GRM1: variants seen among roughly 807,000 people sequenced by gnomAD.
GRM1 encodes the protein metabotropic glutamate receptor 1.
GRM1 carries 33 observed loss-of-function variants against 90.9 expected under a neutral mutation model. The ratio of observed to expected loss-of-function variants is 0.36; its 90% CI spans 0.28 to 0.49. The LOEUF (loss-of-function observed/expected upper bound fraction) is 0.49, where lower values mean the gene tolerates loss of function less well. Among genes scored for constraint, GRM1 ranks in the 20% least tolerant of loss-of-function variants. GRM1 has a pLI of 0.99. For missense variants in GRM1, 1,190 were observed against 1,534.3 expected, an observed-to-expected ratio of 0.78 and a Z score of 3.75; for synonymous variants, 700 against 613.2, an observed-to-expected ratio of 1.14 and a Z score of -2.09.
At chr6:146,216,633 G>A (rs763364703) in intron 2 of GRM1, among the ~76,000 whole-genome samples, 1 of 152,196 alleles carries the variant, frequency 6.6e-6, no homozygotes, top group African/African-American at 2.4e-5. Context: ...AGAAACTGGG[G>A]CTAATGCAAA....
At chr6:146,198,799 G>A (rs1179209013) in intron 2 of GRM1, among the ~76,000 whole-genome samples, 1 of 152,072 alleles carries the variant, frequency 6.6e-6, no homozygotes, top group African/African-American at 2.4e-5. Flanking sequence ...GAAGGACCAG[G>A]GAAACACTAA....
At chr6:146,366,937 G>A (rs1225625838) in intron 5 of GRM1, among the ~76,000 whole-genome samples, 1 of 151,976 alleles carries the variant, frequency 6.6e-6, no homozygotes, top group Non-Finnish European at 1.5e-5. Flanking sequence ...TGCTTTTGTT[G>A]CCTGTGCTTT....
At position 146,197,135 on chromosome 6, in the gene GRM1, C is replaced by T. The variant is rs79054400; in HGVS notation, c.950+37538C>T. 3.0e-3 allele frequency among the ~76,000 whole-genome samples: 449 copies of T among 152,184 alleles called. 2 individuals are homozygous for T. Among genetic ancestry groups the T allele is most frequent in the African/African-American group, 0.01 (433 of 41,486 alleles). Reference sequence around the variant, plus strand: ...TTGTGGAGGACATAGAACTCAGAAACGAGAACAGGTGGGAAATAGCAGGAA... The same window carrying T: ...TTGTGGAGGACATAGAACTCAGAAATGAGAACAGGTGGGAAATAGCAGGAA... On this transcript the variant is annotated intron_variant, in intron 2 of 7. Transcript: ENST00000282753.
intron 2 of GRM1, among the ~76,000 whole-genome samples, chr6:146,259,467 C>T (rs7758294): frequency 0.053 from 8,102 of 152,162 alleles, 708 homozygotes; most frequent in African/African-American, 0.18. Flanking sequence ...ACTCCTGTGC[C>T]CCGCTGGCAG....
intron 1 of GRM1, among the ~76,000 whole-genome samples, chr6:146,096,720 A>G (rs546814963): frequency 1.3e-5 from 2 of 152,176 alleles, no homozygotes; most frequent in East Asian, 3.9e-4. Flanking sequence ...TCTTAGGAAG[A>G]TGAGAGAATC....
At chr6:146,041,601 A>G (rs763152089) in intron 1 of GRM1, among the ~76,000 whole-genome samples, 25 of 151,956 alleles carry the variant, frequency 1.6e-4, no homozygotes, top group Non-Finnish European at 3.2e-4. Context: ...GTTTATGCCC[A>G]GAAGACTCAT....
At chr6:146,391,419 G>A (rs368630438) in intron 6 of GRM1, among the ~76,000 whole-genome samples, 1 of 152,022 alleles carries the variant, frequency 6.6e-6, no homozygotes, top group African/African-American at 2.4e-5. Context: ...CCAAGGTTCA[G>A]ATATGCAAAG....
At chr6:146,291,445 T>A (rs1782981518) in intron 2 of GRM1, among the ~76,000 whole-genome samples, 1 of 151,368 alleles carries the variant, frequency 6.6e-6, no homozygotes, top group South Asian at 2.1e-4. Context: ...TCTCTTTGCT[T>A]CTGTAGTGTG....
chr6:146,206,698 G>T (rs939799241), intron 2 of GRM1, among the ~76,000 whole-genome samples: 5 of 151,742 alleles, frequency 3.3e-5, no homozygotes, highest in Admixed American at 6.6e-5. Flanking sequence ...ATGTCATGGG[G>T]GTTTGTTGTA....
chr6:146,405,152 C>T (rs1367934728), intron 7 of GRM1, among the ~76,000 whole-genome samples: 3 of 152,054 alleles, frequency 2.0e-5, no homozygotes, highest in Admixed American at 6.6e-5. Context: ...ATTGAAAGTG[C>T]TATAAAGTCA....
intron 1 of GRM1, among the ~76,000 whole-genome samples, chr6:146,063,377 CA>C (rs1775738073): frequency 6.6e-6 from 1 of 152,168 alleles, no homozygotes; most frequent in South Asian, 2.1e-4. Context: ...TTAGATTCAG[CA>C]TTGAAGATTA....
At chr6:146,342,951 AT>A (rs1251117978) in intron 3 of GRM1, among the ~76,000 whole-genome samples, 3 of 150,872 alleles carry the variant, frequency 2.0e-5, no homozygotes, top group East Asian at 3.9e-4. Context: ...ACTAAACTCT[AT>A]TTTTTTTCAG....
chr6:146,146,818 C>T (rs1003047459), intron 1 of GRM1, among the ~76,000 whole-genome samples: 2 of 152,170 alleles, frequency 1.3e-5, no homozygotes, highest in African/African-American at 4.8e-5. Flanking sequence ...TTGGACTTCC[C>T]AGACTCCATA....
chr6:146,119,700 C>T (rs573070564), intron 1 of GRM1, among the ~76,000 whole-genome samples: 4 of 152,278 alleles, frequency 2.6e-5, no homozygotes, highest in Admixed American at 1.3e-4. Flanking sequence ...AATAGGGAAT[C>T]CTTTCTCTAT....
At chr6:146,358,158 T>C (rs550498216) in intron 5 of GRM1, among the ~76,000 whole-genome samples, 8 of 152,334 alleles carry the variant, frequency 5.3e-5, no homozygotes, top group Admixed American at 3.3e-4. Flanking sequence ...CCTAGTCCTT[T>C]GATTCTTTTG....
intron 1 of GRM1, among the ~76,000 whole-genome samples, chr6:146,130,391 A>G (rs1228971438): frequency 6.6e-6 from 1 of 152,144 alleles, no homozygotes; most frequent in Non-Finnish European, 1.5e-5. Flanking sequence ...TTTCTTAAGA[A>G]AAATAGGTGG....
intron 1 of GRM1, among the ~76,000 whole-genome samples, chr6:146,126,768 T>C (rs748476290): frequency 2.6e-5 from 4 of 152,160 alleles, no homozygotes; most frequent in Non-Finnish European, 5.9e-5. Context: ...TTGAAGAAAG[T>C]TTTAAATTTG....
chr6:146,078,669 A>G (rs1353486607), intron 1 of GRM1, among the ~76,000 whole-genome samples: 3 of 152,236 alleles, frequency 2.0e-5, no homozygotes, highest in Non-Finnish European at 4.4e-5. Context: ...TATTTATAGA[A>G]TGTTATACAG....
intron 2 of GRM1, among the ~76,000 whole-genome samples, chr6:146,163,713 C>T (rs931040845): frequency 6.6e-6 from 1 of 152,214 alleles, no homozygotes; most frequent in East Asian, 1.9e-4. Flanking sequence ...AACTTGCTCT[C>T]TCTTTCAGAG....
Sources: allele counts gnomAD v4.1 joint callset (sites outside exome capture counted in the v4.1 genomes callset), GRCh38; gene constraint gnomAD v4.1.1; transcripts MANE v1.5; gene names NCBI Gene and HGNC (gene_info 2026-07-23, HGNC 2026-07-21).